VPS8: variants seen among roughly 807,000 people sequenced by gnomAD.
The protein encoded by VPS8 is VPS8 subunit of CORVET complex.
In VPS8, 129 loss-of-function variants were observed where a neutral mutation model predicts 216.4. The observed-to-expected ratio is 0.60, with a 90% CI of 0.52 to 0.69. The LOEUF (loss-of-function observed/expected upper bound fraction) is 0.69, where lower values mean the gene tolerates loss of function less well. Ranked by LOEUF, VPS8 falls within the 30% of genes least tolerant of loss-of-function variation. VPS8 has a pLI of 0.00. For synonymous variants in VPS8, 571 were observed against 565.4 expected (o/e 1.01, Z -0.14); for missense variants, 1,531 against 1,683.5 (o/e 0.91, Z 1.59).
At chr3:184,843,274 A>G (rs746363900) in intron 8 of VPS8, 29 bp downstream of exon 8, 14 of 1,398,388 alleles carry the variant, frequency 1.0e-5, no homozygotes, top group Non-Finnish European at 1.3e-5. Flanking sequence ...GTTTGCATGA[A>G]TGGTTTCTTT....
intron 36 of VPS8, among the ~76,000 whole-genome samples, chr3:184,953,145 C>T (rs773947003): frequency 6.6e-6 from 1 of 152,122 alleles, no homozygotes; most frequent in Non-Finnish European, 1.5e-5. Context: ...CAAACACCCA[C>T]ATTGAGGTTT....
intron 46 of VPS8, among the ~76,000 whole-genome samples, chr3:185,038,880 C>T (rs775438778): frequency 1.3e-5 from 2 of 152,140 alleles, no homozygotes; most frequent in Non-Finnish European, 1.5e-5. Flanking sequence ...GATCAGAGAC[C>T]GAAGATTTTC....
chr3:185,034,867 G>T (rs541439847), intron 46 of VPS8, among the ~76,000 whole-genome samples: 1 of 152,032 alleles, frequency 6.6e-6, no homozygotes, highest in South Asian at 2.1e-4. Context: ...GGTTAACAAA[G>T]AAAAAACAGA....
chr3:185,019,574 G>A (rs1756348900), intron 45 of VPS8, among the ~76,000 whole-genome samples: 1 of 152,232 alleles, frequency 6.6e-6, no homozygotes, highest in East Asian at 1.9e-4. Context: ...ATCTGCAACA[G>A]GAACATGTCC....
intron 46 of VPS8, among the ~76,000 whole-genome samples, chr3:185,031,679 T>C (rs1245430407): frequency 6.6e-6 from 1 of 152,180 alleles, no homozygotes; most frequent in East Asian, 1.9e-4. Context: ...AATGGAGATG[T>C]CAGCTTGGTA....
At chr3:184,839,887 G>T in intron 7 of VPS8, 135 bp downstream of exon 7, 3 of 1,411,662 alleles carry the variant, frequency 2.1e-6, no homozygotes, top group South Asian at 1.6e-5. Flanking sequence ...GTAGCAGTCA[G>T]TATTTTTATA....
At chr3:184,884,303 A>G (rs771593873) in intron 21 of VPS8, among the ~76,000 whole-genome samples, 1 of 151,696 alleles carries the variant, frequency 6.6e-6, no homozygotes, top group Non-Finnish European at 1.5e-5. Flanking sequence ...GTTCCCACCT[A>G]TGAGTGAGAA....
chr3:184,974,620 A>G (rs1414986695), intron 40 of VPS8, among the ~76,000 whole-genome samples: 2 of 152,078 alleles, frequency 1.3e-5, no homozygotes, highest in Non-Finnish European at 2.9e-5. Context: ...TGTTAGCTGT[A>G]AAATTTTTGT....
At chr3:184,862,816 G>A (rs573681027) in intron 15 of VPS8, 81 bp from the exon 16 acceptor site, 2 of 1,420,832 alleles carry the variant, frequency 1.4e-6, no homozygotes, top group South Asian at 1.4e-5. Context: ...TAATTTAATC[G>A]AGCAGCCAAG....
intron 25 of VPS8, among the ~76,000 whole-genome samples, chr3:184,911,226 C>T (rs1736474022): frequency 6.6e-6 from 1 of 152,228 alleles, no homozygotes; most frequent in African/African-American, 2.4e-5. Context: ...GTGCCAGACA[C>T]TATTCTCGAT....
chr3:184,824,213 A>G (rs1420388207), intron 1 of VPS8: 1 of 160,334 alleles, frequency 6.2e-6, no homozygotes. Flanking sequence ...TTTGGCACCG[A>G]TTTACCCTTA....
intron 42 of VPS8, among the ~76,000 whole-genome samples, chr3:184,990,528 T>TGCATGTGAATATACACAG (rs1225860108): frequency 9.2e-5 from 14 of 152,354 alleles, no homozygotes; most frequent in Non-Finnish European, 1.6e-4. Flanking sequence ...GTTCATTATC[T>TGCATGTGAATATACACAG]TCTCTGATCT....
At chr3:184,813,915 G>T (rs887706721) in intron 1 of VPS8, 3 of 152,202 alleles carry the variant, frequency 2.0e-5, no homozygotes, top group Admixed American at 6.5e-5. Flanking sequence ...AGTTTAGATC[G>T]TATGTTCTCT....
At chr3:185,014,094 G>A (rs925929503) in intron 45 of VPS8, among the ~76,000 whole-genome samples, 6 of 152,098 alleles carry the variant, frequency 3.9e-5, no homozygotes, top group African/African-American at 1.4e-4. Flanking sequence ...AGGCATTATT[G>A]CCAGCCAAAA....
chr3:184,902,436 A>G (rs899740115), intron 25 of VPS8, among the ~76,000 whole-genome samples: 7 of 151,614 alleles, frequency 4.6e-5, no homozygotes, highest in Non-Finnish European at 8.8e-5. Context: ...AGATCGTGCC[A>G]CTTGCCACTG....
At chr3:184,865,204 A>G (rs895462864) in intron 16 of VPS8, among the ~76,000 whole-genome samples, 2 of 152,260 alleles carry the variant, frequency 1.3e-5, no homozygotes, top group Admixed American at 6.5e-5. Context: ...ATGTACGTGC[A>G]GTTAAAATCT....
intron 25 of VPS8, among the ~76,000 whole-genome samples, chr3:184,910,666 A>G (rs889503152): frequency 6.6e-6 from 1 of 151,282 alleles, no homozygotes; most frequent in Non-Finnish European, 1.5e-5. Flanking sequence ...GGATTCCCCA[A>G]CTCTATTCCA....
Position 184,853,896 on chromosome 3 carries a change from G to C in VPS8, c.861G>C (p.Leu287=), listed in dbSNP as rs777155686. The C allele has an allele frequency of 6.2e-7, 1 of 1,600,264 alleles. No homozygotes were observed. The highest frequency in any genetic ancestry group is 8.5e-7 in the Non-Finnish European group (1 of 1,172,922). ...TGAGAACCTGTGAATCTAGATGTCT[G>C]TTCAGTGGTTCCAAGGGTGAAGTCT... ...MGVRTCESRC[L]FSGSKGEVCC... Residue 287 remains leucine, a synonymous_variant, in exon 12 of 48, where the codon CTG becomes CTC. Transcript: ENST00000625842.
chr3:184,878,948 A>T (rs1270926836), intron 21 of VPS8, among the ~76,000 whole-genome samples: 1 of 152,154 alleles, frequency 6.6e-6, no homozygotes, highest in Admixed American at 6.5e-5. Context: ...GTGTATACAT[A>T]TGTATGTATA....
Sources: gnomAD v4.1 joint callset for allele counts (sites outside exome capture counted in the v4.1 genomes callset) on GRCh38, gnomAD v4.1.1 for gene constraint, MANE v1.5 for transcripts, NCBI Gene and HGNC (gene_info 2026-07-23, HGNC 2026-07-21) for gene names.